EPHA6: variants seen among roughly 807,000 people sequenced by gnomAD.
EPHA6 encodes ephrin type-A receptor 6.
EPHA6 carries 50 observed loss-of-function variants against 112.0 expected under a neutral mutation model. That is an observed-to-expected ratio of 0.45 (90% CI 0.36 to 0.56). EPHA6 has a LOEUF of 0.56. Ranked by LOEUF, EPHA6 falls within the 20% of genes least tolerant of loss-of-function variation. The pLI, the probability that EPHA6 is intolerant of heterozygous loss-of-function variation, is 0.00. For missense variants in EPHA6, 1,280 were observed against 1,417.4 expected, an observed-to-expected ratio of 0.90 and a Z score of 1.56; for synonymous variants, 529 against 490.7, an observed-to-expected ratio of 1.08 and a Z score of -1.03.
At chr3:97,671,552 G>A (rs2030829380) in intron 14 of EPHA6, among the ~76,000 whole-genome samples, 1 of 152,090 alleles carries the variant, frequency 6.6e-6, no homozygotes, top group Non-Finnish European at 1.5e-5. Context: ...ATTAGATTAT[G>A]CAAATAGCAT....
chr3:97,242,704 A>G (rs1309839238), intron 4 of EPHA6, among the ~76,000 whole-genome samples: 3 of 151,878 alleles, frequency 2.0e-5, no homozygotes, highest in Non-Finnish European at 4.4e-5. Flanking sequence ...AAAGGAGCCT[A>G]TATCAAAACT....
intron 5 of EPHA6, among the ~76,000 whole-genome samples, chr3:97,286,468 C>T (rs920669719): frequency 6.6e-6 from 1 of 152,048 alleles, no homozygotes; most frequent in African/African-American, 2.4e-5. Context: ...ATCCAGTTTT[C>T]CCAGCACTAT....
intron 3 of EPHA6, among the ~76,000 whole-genome samples, chr3:97,179,717 GTCTCTCTC>G (rs71113852): frequency 0.011 from 1,338 of 119,168 alleles, 15 homozygotes; most frequent in African/African-American, 0.03. Context: ...AACCTACAGA[GTCTCTCTC>G]TCTCTCTCTC....
intron 6 of EPHA6, among the ~76,000 whole-genome samples, chr3:97,424,847 T>A (rs1322243143): frequency 1.4e-5 from 2 of 146,900 alleles, no homozygotes; most frequent in Non-Finnish European, 3.0e-5. Flanking sequence ...ACTTCCTAGA[T>A]ACAATGGGAG....
chr3:97,727,189 T>G (rs2034811459), intron 15 of EPHA6, among the ~76,000 whole-genome samples: 1 of 152,044 alleles, frequency 6.6e-6, no homozygotes, highest in African/African-American at 2.4e-5. Context: ...GGTGTTTTTG[T>G]TTTCATTTAT....
chr3:97,445,956 A>G (rs2090330140), intron 6 of EPHA6, among the ~76,000 whole-genome samples: 1 of 152,130 alleles, frequency 6.6e-6, no homozygotes, highest in Non-Finnish European at 1.5e-5. Flanking sequence ...AACATACCCT[A>G]TCTAAACATA....
At chr3:96,947,030 GT>G (rs1233880230) in intron 2 of EPHA6, among the ~76,000 whole-genome samples, 56 of 142,452 alleles carry the variant, frequency 3.9e-4, no homozygotes, top group East Asian at 1.6e-3. Context: ...CTGTTTGTTT[GT>G]TTTTTTTTTT....
At chr3:96,935,763 G>C (rs182911399) in intron 2 of EPHA6, among the ~76,000 whole-genome samples, 3,089 of 131,134 alleles carry the variant, frequency 0.024, 68 homozygotes, top group Middle Eastern at 0.093. Flanking sequence ...TTATATATAT[G>C]TGTGTGTGTG....
At chr3:97,000,294 T>TATATATAGCCACAC (rs2043602689) in intron 3 of EPHA6, among the ~76,000 whole-genome samples, 1 of 134,498 alleles carries the variant, frequency 7.4e-6, no homozygotes, top group Admixed American at 7.3e-5. Context: ...CACACACACA[T>TATATATAGCCACAC]ATATATAGCC....
At chr3:96,853,828 A>G (rs1480870677) in intron 1 of EPHA6, among the ~76,000 whole-genome samples, 1 of 151,932 alleles carries the variant, frequency 6.6e-6, no homozygotes, top group Non-Finnish European at 1.5e-5. Context: ...CCTTTGACAC[A>G]ATGTGATACA....
chr3:97,516,463 G>T (rs576401495), intron 10 of EPHA6, among the ~76,000 whole-genome samples: 1 of 152,230 alleles, frequency 6.6e-6, no homozygotes, highest in South Asian at 2.1e-4. Context: ...ATATGTAGAA[G>T]GTATGCTATA....
At chr3:97,488,560 A>C (rs1359245809) in intron 10 of EPHA6, among the ~76,000 whole-genome samples, 1 of 152,180 alleles carries the variant, frequency 6.6e-6, no homozygotes, top group Non-Finnish European at 1.5e-5. Flanking sequence ...TATCTTAAAG[A>C]AACTGTATTT....
At chr3:97,249,860 G>T (rs1456614346) in intron 5 of EPHA6, among the ~76,000 whole-genome samples, 1 of 152,136 alleles carries the variant, frequency 6.6e-6, no homozygotes, top group African/African-American at 2.4e-5. Flanking sequence ...CTTCTGGCAA[G>T]AACTGTTCTG....
At position 97,431,922 on chromosome 3, in the gene EPHA6, A is replaced by G. The variant is rs1010932931; in HGVS notation, c.1732-16646A>G. ...AAGCTCCTAAAACATGCAATAATCAATGATTATTCCAAATCACTATTTTTT... is the reference window on the plus strand; with the variant it reads ...AAGCTCCTAAAACATGCAATAATCAGTGATTATTCCAAATCACTATTTTTT... On this transcript the variant is annotated intron_variant, in intron 6 of 17. Coordinates refer to ENST00000389672, the MANE Select transcript of EPHA6 (RefSeq NM_001080448.3). 2.6e-5 allele frequency among the ~76,000 whole-genome samples: 4 copies of G among 152,228 alleles called. 1 individual carries two copies. The highest frequency in any genetic ancestry group is 2.0e-4 in the Admixed American group (3 of 15,270).
Position 97,751,306 on chromosome 3 carries a change from T to C in EPHA6, c.*2605T>C, listed in dbSNP as rs535088132. On this transcript the variant is annotated 3_prime_UTR_variant, in exon 18 of 18. Transcript: ENST00000389672. ...TCCTATTCTACATCTGGTTAATTTGTACTTATTTTTTCTTTCTCTAACATC... is the reference window on the plus strand; with the variant it reads ...TCCTATTCTACATCTGGTTAATTTGCACTTATTTTTTCTTTCTCTAACATC... Among the ~76,000 whole-genome samples, 1 of 152,276 alleles carries C rather than the reference T, an allele frequency of 6.6e-6. No individual in the cohort carries two copies. Among genetic ancestry groups the C allele is most frequent in the East Asian group, 1.9e-4 (1 of 5,190 alleles).
intron 3 of EPHA6, 65 bp downstream of exon 3, chr3:96,988,058 T>G: frequency 1.5e-6 from 2 of 1,291,810 alleles, no homozygotes; most frequent in Non-Finnish European, 1.0e-6. Context: ...TTTTATTTTT[T>G]AAATTAACAA....
chr3:97,004,045 T>C (rs1397768460), intron 3 of EPHA6, among the ~76,000 whole-genome samples: 1 of 152,146 alleles, frequency 6.6e-6, no homozygotes, highest in African/African-American at 2.4e-5. Context: ...AGTCTAACAT[T>C]GATGGGCATT....
intron 3 of EPHA6, among the ~76,000 whole-genome samples, chr3:97,064,787 G>T (rs577016443): frequency 4.1e-4 from 62 of 152,184 alleles, no homozygotes; most frequent in African/African-American, 1.5e-3. Flanking sequence ...ACATATGAGG[G>T]TCCACTCCCC....
At chr3:97,339,492 T>C (rs2083206796) in intron 5 of EPHA6, among the ~76,000 whole-genome samples, 1 of 152,118 alleles carries the variant, frequency 6.6e-6, no homozygotes. Flanking sequence ...ACAATGGCAG[T>C]AGATTGAAGT....
Sources: allele counts gnomAD v4.1 joint callset (sites outside exome capture counted in the v4.1 genomes callset), GRCh38; gene constraint gnomAD v4.1.1; transcripts MANE v1.5; gene names NCBI Gene and HGNC (gene_info 2026-07-23, HGNC 2026-07-21).